Variants in SLC37A1 observed in about 807,000 individuals in gnomAD.
The protein encoded by SLC37A1 is glucose-6-phosphate exchanger SLC37A1.
SLC37A1 carries 49 observed loss-of-function variants against 75.3 expected under a neutral mutation model. The ratio of observed to expected loss-of-function variants is 0.65; its 90% confidence interval spans 0.52 to 0.83. The LOEUF (loss-of-function observed/expected upper bound fraction) is 0.83, where lower values mean the gene tolerates loss of function less well. Ranked by LOEUF, SLC37A1 falls within the 40% of genes least tolerant of loss-of-function variation. SLC37A1 has a pLI of 0.00. For synonymous variants in SLC37A1, 268 were observed against 292.1 expected, an observed-to-expected ratio of 0.92 and a Z score of 0.84; for missense variants, 566 against 695.0, an observed-to-expected ratio of 0.81 and a Z score of 2.09.
At chr21:42,539,257 T>C (rs1045120909) in intron 5 of SLC37A1, among the ~76,000 whole-genome samples, 3 of 152,232 alleles carry the variant, frequency 2.0e-5, no homozygotes, top group Admixed American at 6.5e-5. Flanking sequence ...AGTCCTAGTG[T>C]TTGAATTTTA....
At position 42,559,130 on chromosome 21, in the gene SLC37A1, T is replaced by G. The variant is rs912648594; in HGVS notation, c.981+41T>G. 2.3e-5 allele frequency: 37 copies of G among 1,587,016 alleles called. No individual in the cohort carries two copies. In the Admixed American group the frequency reaches 5.9e-4, roughly 26 times the overall value. ...CAGGAGGAGTTTCAGAAAGGGCTGC[T>G]GTGCTGGCTGTGGGAAGTCTGGTCG... On this transcript the variant is annotated intron_variant, in intron 11 of 19. Transcript: ENST00000352133.
intron 18 of SLC37A1, 128 bp from the exon 19 acceptor site, chr21:42,579,608 C>T (rs1452130321): frequency 7.1e-6 from 4 of 565,656 alleles, no homozygotes; most frequent in East Asian, 3.3e-5. Context: ...GAGGCCACCC[C>T]AGGGAAGGTG....
In SLC37A1 at chr21:42,570,666, C is replaced by T. The variant is rs147986249; in HGVS notation, c.1423+2228C>T. 1.5e-3 allele frequency among the ~76,000 whole-genome samples: 226 copies of T among 152,206 alleles called. 4 individuals are homozygous for T. The East Asian group carries it at 0.027, about 18-fold the overall frequency. On this transcript the variant is annotated intron_variant, in intron 17 of 19. Transcript: ENST00000352133. ...TAACTTGGCGCTCTACTGGCAACCC[C>T]GATTGCTGTTTTAAAAGCAGAGGAT...
At position 42,579,765 on chromosome 21, in the gene SLC37A1, G is replaced by A. The variant is rs1185079643; in HGVS notation, c.1551G>A (p.Leu517=). The A allele has an allele frequency of 1.2e-6, 2 of 1,614,176 alleles. No individual in the cohort carries two copies. The highest frequency in any genetic ancestry group is 2.2e-5 in the East Asian group (1 of 44,878). Residue 517 remains leucine, a synonymous_variant, in exon 19 of 20, where the codon CTG becomes CTA. Transcript: ENST00000352133. ...LFLIRLIHKE[L]SCPGSATGDQ... The stretch of plus-strand genomic sequence containing the variant: ...TGATCCGCCTCATACACAAGGAGCT[G>A]AGCTGCCCAGGGTCAGCTACGGGGG...
chr21:42,520,827 G>T (rs978595787), intron 2 of SLC37A1, among the ~76,000 whole-genome samples: 12 of 152,212 alleles, frequency 7.9e-5, no homozygotes, highest in African/African-American at 2.9e-4. Context: ...GCAAGGAATA[G>T]ATGAGCCCAG....
chr21:42,503,735 C>T (rs1025275194), intron 2 of SLC37A1, among the ~76,000 whole-genome samples: 1 of 152,160 alleles, frequency 6.6e-6, no homozygotes, highest in Non-Finnish European at 1.5e-5. Flanking sequence ...TTTTAATTAT[C>T]TAGTTACTAG....
At chr21:42,528,142 A>T (rs1228287351) in intron 3 of SLC37A1, among the ~76,000 whole-genome samples, 2 of 152,254 alleles carry the variant, frequency 1.3e-5, no homozygotes, top group African/African-American at 4.8e-5. Context: ...ACGGCACACC[A>T]GGTCACATTT....
intron 12 of SLC37A1, among the ~76,000 whole-genome samples, chr21:42,562,802 G>T (rs541975672): frequency 5.8e-4 from 70 of 119,718 alleles, no homozygotes; most frequent in African/African-American, 1.9e-3. Flanking sequence ...CCAGGAGCAC[G>T]TGGAGGGCTC....
At chr21:42,508,122 C>CTTTTT (rs398036474) in intron 2 of SLC37A1, among the ~76,000 whole-genome samples, 56 of 80,948 alleles carry the variant, frequency 6.9e-4, no homozygotes, top group African/African-American at 2.0e-3. Context: ...AGAGTACGCT[C>CTTTTT]TTTTTTTTTT....
chr21:42,529,305 C>T (rs1309760885), intron 3 of SLC37A1, among the ~76,000 whole-genome samples: 1 of 152,086 alleles, frequency 6.6e-6, no homozygotes, highest in African/African-American at 2.4e-5. Context: ...CACTGTGGCT[C>T]ACACCTGTAA....
intron 1 of SLC37A1, among the ~76,000 whole-genome samples, chr21:42,501,006 A>C (rs2054336160): frequency 6.6e-6 from 1 of 152,244 alleles, no homozygotes; most frequent in Non-Finnish European, 1.5e-5. Flanking sequence ...GATGCATCAA[A>C]ACCAGTAGGG....
intron 17 of SLC37A1, among the ~76,000 whole-genome samples, chr21:42,572,153 C>G (rs78691192): frequency 1.3e-5 from 2 of 152,128 alleles, no homozygotes; most frequent in East Asian, 3.8e-4. Context: ...TCAGAACCCC[C>G]GTCTTCCAGC....
chr21:42,511,143 T>C (rs1266044440), upstream of SLC37A1, among the ~76,000 whole-genome samples: 1 of 152,248 alleles, frequency 6.6e-6, no homozygotes, highest in East Asian at 1.9e-4. Context: ...CAAGTATCTT[T>C]TCTGACCACA....
intron 19 of SLC37A1, 31 bp downstream of exon 19, chr21:42,579,831 G>A (rs367860661): frequency 3.3e-4 from 535 of 1,610,332 alleles, no homozygotes; most frequent in Non-Finnish European, 4.3e-4. Context: ...GTCTCCGTGC[G>A]TGAAAGCCGG....
In SLC37A1 at chr21:42,525,784, C is replaced by G. The variant is rs747192585; in HGVS notation, c.65C>G (p.Ala22Gly). The change falls in exon 3 of 20, where the codon GCC becomes GGC. Residue 22 changes from alanine (A) to glycine (G), a missense_variant. Ala to Gly is a moderately conservative substitution (Grantham distance 60, BLOSUM62 0). Coordinates refer to ENST00000352133, the MANE Select transcript of SLC37A1 (RefSeq NM_001320537.2). ...ISFSRDQWYR[A>G]FIFILTFLLY... ...ACTGTTTTGTGTTTCAGGTACAGAG[C>G]CTTCATTTTTATTTTGACATTTCTG... 46 of 1,613,198 alleles carry G rather than the reference C, an allele frequency of 2.9e-5. No homozygotes were observed. Among genetic ancestry groups the G allele is most frequent in the Non-Finnish European group, 3.8e-5 (45 of 1,179,370 alleles).
At position 42,547,139 on chromosome 21, in the gene SLC37A1, C is replaced by T. The variant is rs766705413; in HGVS notation, c.767C>T (p.Thr256Met). The T allele has an allele frequency of 1.2e-5, 19 of 1,614,076 alleles. No individual in the cohort carries two copies. The highest frequency in any genetic ancestry group is 4.5e-5 in the East Asian group (2 of 44,902). The change falls in exon 9 of 20, where the codon ACG becomes ATG. Residue 256 changes from threonine (T) to methionine (M), a missense_variant and splice_region_variant. Physicochemically the swap from Thr to Met is moderately conservative, Grantham distance 81. Coordinates refer to ENST00000352133, the MANE Select transcript of SLC37A1 (RefSeq NM_001320537.2). The surrounding 1 kb of genome is among the most constrained non-coding windows in gnomAD (Gnocchi z 6.1). ...NDVRCSSTLV[T>M]HSKGYENGTN... ...GTCAGGTGCTCCTCCACCCTGGTGA[C>T]GGTAAGGACCCTGTTTTCTTGTCCT...
In SLC37A1 at chr21:42,564,681, TGCCTGAAGCCC is replaced by T; in HGVS notation, c.1136-22_1136-12del. On this transcript the variant is annotated splice_polypyrimidine_tract_variant and intron_variant, in intron 13 of 19. Coordinates refer to ENST00000352133, the MANE Select transcript of SLC37A1 (RefSeq NM_001320537.2). Reference sequence around the variant, plus strand: ...GTGGGCTCATGCCCTGGGACGTCAGTGCCTGAAGCCCGCCTCTCCGTTGCAGGTGGGATCCT... The same window carrying T: ...GTGGGCTCATGCCCTGGGACGTCAGTGCCTCTCCGTTGCAGGTGGGATCCT... 1 of 1,598,156 alleles carries T rather than the reference TGCCTGAAGCCC, an allele frequency of 6.3e-7. No homozygotes were observed. Among genetic ancestry groups the T allele is most frequent in the Non-Finnish European group, 8.6e-7 (1 of 1,169,520 alleles).
chr21:42,577,874 A>T (rs1164660973), intron 18 of SLC37A1, among the ~76,000 whole-genome samples: 1 of 152,236 alleles, frequency 6.6e-6, no homozygotes, highest in Non-Finnish European at 1.5e-5. Context: ...ACGACAGGTA[A>T]ATAATAACCA....
At position 42,564,764 on chromosome 21, in the gene SLC37A1, G is replaced by A. The variant is rs539379683; in HGVS notation, c.1192G>A (p.Gly398Ser). Residue 398 changes from glycine to serine, a missense_variant, in exon 14 of 20, where the codon GGC becomes AGC. Transcript: ENST00000352133. ...ACTGGAGAAAAGGGCCTCCACCTGC[G>A]GCCTGATGCTGCTGCTCGCGGCCCC... ...DRLEKRASTC[G>S]LMLLLAAPTL... is the part of the protein sequence containing the mutation. 6.2e-5 allele frequency: 99 copies of A among 1,608,522 alleles called. 1 individual carries two copies. Among genetic ancestry groups the A allele is most frequent in the South Asian group, 5.4e-4 (49 of 91,078 alleles).
Sources: gnomAD v4.1 joint callset for allele counts (sites outside exome capture counted in the v4.1 genomes callset) on GRCh38, gnomAD v4.1.1 for gene constraint, Gnocchi (gnomAD v3.1) non-coding constraint, MANE v1.5 for transcripts, NCBI Gene and HGNC (gene_info 2026-07-23, HGNC 2026-07-21) for gene names.